The following PRIM2 variants were observed in gnomAD, a reference collection of about 807,000 sequenced individuals.
PRIM2 encodes the protein DNA primase subunit 2.
PRIM2 carries 39 observed loss-of-function variants against 67.3 expected under a neutral mutation model. That is an observed-to-expected ratio of 0.58 (90% confidence interval 0.45 to 0.76). The LOEUF is 0.76. Ranked by LOEUF, PRIM2 falls within the 30% of genes least tolerant of loss-of-function variation. The probability of loss-of-function intolerance (pLI) is 0.00; values close to 1 mark genes in which losing one functional copy is unlikely to be tolerated. For synonymous variants in PRIM2, 143 were observed against 198.7 expected (o/e 0.72, Z 2.36); for missense variants, 398 against 598.7 (o/e 0.66, Z 3.50).
chr6:57,243,684 C>T, the PRIM2 span, among the ~76,000 whole-genome samples: 2 of 152,130 alleles, frequency 1.3e-5, no homozygotes, highest in Admixed American at 6.5e-5. Flanking sequence ...CCGTGTTGGC[C>T]AGGCTGGTCT....
intron 9 of PRIM2, among the ~76,000 whole-genome samples, chr6:57,533,635 A>G (rs1422365752): frequency 2.0e-5 from 3 of 152,168 alleles, no homozygotes; most frequent in Non-Finnish European, 4.4e-5. Context: ...CACTCATGTG[A>G]TTTGTGCTTA....
At chr6:57,585,215 G>A (rs1322869158) in intron 10 of PRIM2, among the ~76,000 whole-genome samples, 53 of 152,272 alleles carry the variant, frequency 3.5e-4, no homozygotes, top group East Asian at 1.9e-4. Flanking sequence ...ACAACACACC[G>A]GGTTTGACCT....
At chr6:57,355,039 C>T (rs1241338212) in intron 5 of PRIM2, among the ~76,000 whole-genome samples, 1 of 152,288 alleles carries the variant, frequency 6.6e-6, no homozygotes, top group African/African-American at 2.4e-5. Context: ...CGCGGTGGCT[C>T]ACACGTGTAA....
the PRIM2 span, among the ~76,000 whole-genome samples, chr6:57,283,492 A>AC: frequency 3.0e-4 from 45 of 152,314 alleles, no homozygotes; most frequent in East Asian, 6.0e-3. Context: ...ATATAGTTAT[A>AC]CCACATATAT....
intron 10 of PRIM2, among the ~76,000 whole-genome samples, chr6:57,586,594 T>C (rs1287362478): frequency 1.8e-4 from 28 of 152,260 alleles, no homozygotes; most frequent in African/African-American, 6.7e-4. Context: ...TGGGTATTTG[T>C]CTGGTTTAAA....
chr6:57,443,443 T>G (rs113569810), intron 7 of PRIM2, among the ~76,000 whole-genome samples: 10,586 of 152,324 alleles, frequency 0.069, 519 homozygotes, highest in East Asian at 0.2. Flanking sequence ...AAAGCCATTC[T>G]GGCAGGTGTG....
At chr6:57,291,368 C>CA in the PRIM2 span, among the ~76,000 whole-genome samples, 1 of 151,920 alleles carries the variant, frequency 6.6e-6, no homozygotes, top group Non-Finnish European at 1.5e-5. Context: ...GCCTACCAAC[C>CA]AAAAAAAGTC....
chr6:57,430,491 T>C (rs1446900666), intron 7 of PRIM2, among the ~76,000 whole-genome samples: 15 of 146,590 alleles, frequency 1.0e-4, no homozygotes, highest in African/African-American at 3.7e-4. Context: ...TCTCACTCTG[T>C]TGCCCAGGCT....
intron 11 of PRIM2, among the ~76,000 whole-genome samples, chr6:57,605,301 G>T (rs1326402242): frequency 3.3e-5 from 5 of 152,232 alleles, no homozygotes; most frequent in Admixed American, 1.3e-4. Flanking sequence ...TGAGTTAATG[G>T]GGGGAGTCCC....
At chr6:57,427,479 C>G (rs1771670665) in intron 7 of PRIM2, among the ~76,000 whole-genome samples, 2 of 152,112 alleles carry the variant, frequency 1.3e-5, no homozygotes, top group Non-Finnish European at 1.5e-5. Context: ...CCACCAAGCC[C>G]AGCAAATTTT....
chr6:57,324,577 A>C (rs990672629), intron 4 of PRIM2, among the ~76,000 whole-genome samples: 1 of 152,184 alleles, frequency 6.6e-6, no homozygotes, highest in Non-Finnish European at 1.5e-5. Context: ...AGGACTTTTG[A>C]TATTTTTCCT....
chr6:57,635,882 G>A (rs1777113636), intron 13 of PRIM2, among the ~76,000 whole-genome samples: 1 of 152,138 alleles, frequency 6.6e-6, no homozygotes, highest in Non-Finnish European at 1.5e-5. Context: ...CTTTAAAATA[G>A]AGGAATCTGA....
At position 57,601,223 on chromosome 6, in the gene PRIM2, A is replaced by G. The variant is rs1472392730; in HGVS notation, c.1147+4A>G. 1.2e-6 allele frequency: 2 copies of G among 1,601,868 alleles called. No homozygotes were observed. The highest frequency in any genetic ancestry group is 1.7e-6 in the Non-Finnish European group (2 of 1,175,352). ...CCAAGCCAAGGGGATTATCATGGTA[A>G]GTGCCTCCACTGGATATGTTGGCCA... On this transcript the variant is annotated splice_donor_region_variant and intron_variant, in intron 11 of 13. Transcript: ENST00000615550.
chr6:57,266,076 A>G, the PRIM2 span, among the ~76,000 whole-genome samples: 3 of 152,228 alleles, frequency 2.0e-5, no homozygotes, highest in African/African-American at 7.2e-5. Flanking sequence ...GCTTGAACAA[A>G]TAAGACACCC....
intron 10 of PRIM2, among the ~76,000 whole-genome samples, chr6:57,599,240 C>T: frequency 2.2e-5 from 1 of 44,682 alleles, no homozygotes; most frequent in Non-Finnish European, 4.4e-5. Context: ...GCCACCGCGC[C>T]CGGCCTGAGC....
the PRIM2 span, among the ~76,000 whole-genome samples, chr6:57,242,851 G>A: frequency 6.6e-6 from 1 of 152,306 alleles, no homozygotes; most frequent in African/African-American, 2.4e-5. Context: ...AGTGATGTTT[G>A]CCTTGAGTTT....
intron 7 of PRIM2, among the ~76,000 whole-genome samples, chr6:57,452,436 C>G: frequency 6.6e-6 from 1 of 152,220 alleles, no homozygotes; most frequent in East Asian, 1.9e-4. Flanking sequence ...CACATCCTCT[C>G]CAGCATCTGT....
intron 7 of PRIM2, among the ~76,000 whole-genome samples, chr6:57,395,502 G>C (rs1701843690): frequency 6.6e-6 from 1 of 152,164 alleles, no homozygotes; most frequent in Non-Finnish European, 1.5e-5. Context: ...GGTGTCAGTT[G>C]TAGTATCTCC....
intron 8 of PRIM2, among the ~76,000 whole-genome samples, chr6:57,529,811 A>G (rs1356507893): frequency 2.0e-5 from 3 of 152,212 alleles, no homozygotes; most frequent in African/African-American, 4.8e-5. Flanking sequence ...TTATAACAGA[A>G]TATCTGAAAT....
Sources: allele counts gnomAD v4.1 joint callset (sites outside exome capture counted in the v4.1 genomes callset), GRCh38; gene constraint gnomAD v4.1.1; transcripts MANE v1.5; gene names NCBI Gene and HGNC (gene_info 2026-07-23, HGNC 2026-07-21).